Variants in DDX56 observed in about 807,000 individuals in gnomAD.
DDX56 encodes DEAD-box helicase 56.
In DDX56, 45 loss-of-function variants were observed where a neutral mutation model predicts 61.5. That is an observed-to-expected ratio of 0.73 (90% CI 0.58 to 0.94). DDX56 has a LOEUF of 0.94. DDX56 is among the 40% of genes least tolerant of loss of function. The pLI, the probability that DDX56 is intolerant of heterozygous loss-of-function variation, is 0.00. For synonymous variants in DDX56, 273 were observed against 268.3 expected, an observed-to-expected ratio of 1.02 and a Z score of -0.17; for missense variants, 708 against 690.7, an observed-to-expected ratio of 1.02 and a Z score of -0.28.
rs777680531 is a variant in DDX56, at chr7:44,568,180, T to A, written c.1427A>T (p.His476Leu). The change falls in exon 12 of 14, where the codon CAT becomes CTT. Residue 476 changes from histidine to leucine, a missense_variant. His to Leu is a moderately conservative substitution (Grantham distance 99, BLOSUM62 -3). Transcript: ENST00000258772. ...CACTGCGGGGTGCAAAGGTAGGTCA[T>A]GCCGCAGCAGCTGGAGGTCCCTAGG... ...DNPRDLQLLR[H>L]DLPLHPAVVK... is the part of the protein sequence containing the mutation. 6.2e-7 allele frequency: 1 copy of A among 1,614,066 alleles called. No individual in the cohort carries two copies.
At position 44,565,844 on chromosome 7, in the gene DDX56, A is replaced by G. The variant is rs1014012421; in HGVS notation, c.*158T>C. ...TTTTATTCTGTTGTCAAGGGGCAAG[A>G]TGCCAGCTTGGAAGTGCCAAGGAGC... On this transcript the variant is annotated 3_prime_UTR_variant, in exon 14 of 14. Transcript: ENST00000258772. The G allele has an allele frequency of 1.4e-5, 9 of 650,404 alleles. No individual in the cohort carries two copies. Among genetic ancestry groups the G allele is most frequent in the African/African-American group, 5.5e-5 (3 of 54,462 alleles). The allele number at this position is 650,404 out of a possible 1,614,324, so 40.3% of individuals were successfully genotyped here. A position where few individuals can be genotyped will look rare whatever the true frequency, so the allele number is the denominator to read the frequency against.
chr7:44,573,005 G>A lies in DDX56; in HGVS notation c.268C>T (p.Pro90Ser), dbSNP rs1430729489. 3.1e-6 allele frequency: 5 copies of A among 1,610,478 alleles called. No homozygotes were observed. In the Middle Eastern group the frequency reaches 4.9e-4, roughly 159 times the overall value. The change falls in exon 3 of 14, where the codon CCT (proline) becomes TCT (serine). Residue 90 changes from proline to serine, a missense_variant. Transcript: ENST00000258772. ...GCTTGCCGTGCCAGCTCCTTGGTAG[G>A]AACAAGAACAAGGCCTCTCACTGCC... ...EQAVRGLVLV[P>S]TKELARQAQS...
At position 44,565,908 on chromosome 7, in the gene DDX56, C is replaced by G. The variant is rs986601819; in HGVS notation, c.*94G>C. 8 of 981,902 alleles carry G rather than the reference C, an allele frequency of 8.1e-6. No homozygotes were observed. The South Asian group carries it at 1.1e-4, about 13-fold the overall frequency. The allele number at this position is 981,902 out of a possible 1,614,324, so 60.8% of individuals were successfully genotyped here. A position where few individuals can be genotyped will look rare whatever the true frequency, so the allele number is the denominator to read the frequency against. ...ACTGCCGGCCCCAGAACTGTCTGTT[C>G]AGGCTGTGCAGTAAGCACCAGAGCC... On this transcript the variant is annotated 3_prime_UTR_variant, in exon 14 of 14. Coordinates refer to ENST00000258772, the MANE Select transcript of DDX56 (RefSeq NM_019082.4).
chr7:44,572,497 C>G (rs1802702458), intron 4 of DDX56, 60 bp from the exon 5 acceptor site: 1 of 1,613,206 alleles, frequency 6.2e-7, no homozygotes. Flanking sequence ...TAGTAACTGG[C>G]TTCCAGCCAC....
chr7:44,567,488 C>T (rs1350569745), intron 12 of DDX56, among the ~76,000 whole-genome samples: 1 of 152,186 alleles, frequency 6.6e-6, no homozygotes, highest in Non-Finnish European at 1.5e-5. Flanking sequence ...GAAGTCATTA[C>T]CCAGAGCCTG....
chr7:44,568,329 G>T, intron 11 of DDX56, 106 bp from the exon 12 acceptor site: 1 of 778,770 alleles, frequency 1.3e-6, no homozygotes, highest in Non-Finnish European at 2.0e-6. Flanking sequence ...AAAGGCATGA[G>T]GCAGCTGCTT....
At position 44,566,095 on chromosome 7, in the gene DDX56, C is replaced by A; in HGVS notation, c.1567-16G>T. 2 of 1,580,760 alleles carry A rather than the reference C, an allele frequency of 1.3e-6. No individual in the cohort carries two copies. Among genetic ancestry groups the A allele is most frequent in the South Asian group, 2.3e-5 (2 of 88,030 alleles). ...ACTTTGCTCTCTAAGGAGGCAAAGT[C>A]ACAGGTTAGTTGGGGGAATCAGGCC... is the stretch of plus-strand genomic sequence containing the variant. On this transcript the variant is annotated splice_polypyrimidine_tract_variant and intron_variant, in intron 13 of 13. Coordinates refer to ENST00000258772, the MANE Select transcript of DDX56 (RefSeq NM_019082.4).
rs748979517 is a variant in DDX56 at position 44,569,790 on chromosome 7, A to G, written c.1219+19T>C. 1 of 1,590,718 alleles carries G rather than the reference A, an allele frequency of 6.3e-7. No individual in the cohort carries two copies. The highest frequency in any genetic ancestry group is 1.1e-5 in the South Asian group (1 of 88,996). Reference sequence around the variant, plus strand: ...AGAAGCCTGACCCTGGCCCAGGACCACAAGAGCCAGGCTCTTACCTCCACT... The same window carrying G: ...AGAAGCCTGACCCTGGCCCAGGACCGCAAGAGCCAGGCTCTTACCTCCACT... On this transcript the variant is annotated intron_variant, in intron 9 of 13. Transcript: ENST00000258772.
In DDX56 at chr7:44,569,922, C is replaced by A. The variant is rs893646940; in HGVS notation, c.1125-19G>T. 6.2e-7 allele frequency: 1 copy of A among 1,611,028 alleles called. No homozygotes were observed. ...TGCTGTCCTGCAAGGGAAGACAGTG[C>A]AGCTTGCATCTCCAACCCGCAGGCT... On this transcript the variant is annotated intron_variant, in intron 8 of 13. Transcript: ENST00000258772.
At chr7:44,569,357 T>C (rs1414992271) in intron 9 of DDX56, among the ~76,000 whole-genome samples, 154 bp from the exon 10 acceptor site, 1 of 152,206 alleles carries the variant, frequency 6.6e-6, no homozygotes, top group African/African-American at 2.4e-5. Flanking sequence ...CACCTGGGCC[T>C]CTTACAGTGA....
Position 44,566,185 on chromosome 7 carries a change from T to C in DDX56, c.1567-106A>G, listed in dbSNP as rs931722012. ...ACACAAAGGGAGCCGTGCCGGCAACTGGCCAACACGACCAGAAGGTGCTGC... is the reference window on the plus strand; with the variant it reads ...ACACAAAGGGAGCCGTGCCGGCAACCGGCCAACACGACCAGAAGGTGCTGC... On this transcript the variant is annotated intron_variant, in intron 13 of 13. Coordinates refer to ENST00000258772, the MANE Select transcript of DDX56 (RefSeq NM_019082.4). 6.4e-6 allele frequency: 4 copies of C among 623,088 alleles called. No individual in the cohort carries two copies. In the East Asian group the frequency reaches 1.4e-4, roughly 22 times the overall value. 38.6% of individuals were successfully genotyped at this position (623,088 alleles called of 1,614,324 possible). A position where few individuals can be genotyped will look rare whatever the true frequency, so the allele number is the denominator to read the frequency against.
Position 44,569,211 on chromosome 7 carries a change from G to A in DDX56, c.1220-8C>T, listed in dbSNP as rs1802613096. ...GAATGGGGCCCCTGTTCTCTGTGGA[G>A]AAGAAAGCAGCGAGGGTCCCACAGG... is the stretch of plus-strand genomic sequence containing the variant. On this transcript the variant is annotated splice_polypyrimidine_tract_variant and splice_region_variant and intron_variant, in intron 9 of 13. Coordinates refer to ENST00000258772, the MANE Select transcript of DDX56 (RefSeq NM_019082.4). 3.1e-6 allele frequency: 5 copies of A among 1,613,286 alleles called. No individual in the cohort carries two copies. Among genetic ancestry groups the A allele is most frequent in the South Asian group, 1.1e-5 (1 of 91,060 alleles).
At position 44,570,837 on chromosome 7, in the gene DDX56, A is replaced by C; in HGVS notation, c.931T>G (p.Cys311Gly). 6.2e-7 allele frequency: 1 copy of C among 1,613,946 alleles called. No homozygotes were observed. Among genetic ancestry groups the C allele is most frequent in the Non-Finnish European group, 8.5e-7 (1 of 1,179,828 alleles). The change falls in exon 7 of 14, where the codon TGT becomes GGT. Residue 311 changes from cysteine to glycine, a missense_variant. Physicochemically the swap from Cys to Gly is radical, Grantham distance 159. Coordinates refer to ENST00000258772, the MANE Select transcript of DDX56 (RefSeq NM_019082.4). The part of the protein sequence containing the change: ...ISQFNQGFYD[C>G]VIATDAEVLG... ...ACTTCAGCATCAGTTGCTATGACAC[A>C]GTCGTAGAAGCCTTGGTTGAACTGT... is the stretch of plus-strand genomic sequence containing the variant.
Position 44,572,713 on chromosome 7 carries a change from C to G in DDX56, c.415G>C (p.Val139Leu). Reference sequence around the variant, plus strand: ...CTTAATATGCGAGATGGGGTCCCTACTACCACATCTGGCTTCTCCATCAGC... The same window carrying G: ...CTTAATATGCGAGATGGGGTCCCTAGTACCACATCTGGCTTCTCCATCAGC... ...AVLMEKPDVV[V>L]GTPSRILSHL... The change falls in exon 4 of 14, where the codon GTA (valine) becomes CTA (leucine). Residue 139 changes from valine (V) to leucine (L), a missense_variant. Transcript: ENST00000258772. 6.2e-7 allele frequency: 1 copy of G among 1,614,230 alleles called. No individual in the cohort carries two copies. Among genetic ancestry groups the G allele is most frequent in the Non-Finnish European group, 8.5e-7 (1 of 1,180,032 alleles).
In DDX56 at chr7:44,571,713, G is replaced by A. The variant is rs1802677543; in HGVS notation, c.669C>T (p.Ser223=). The A allele has an allele frequency of 6.2e-7, 1 of 1,613,870 alleles. No homozygotes were observed. Among genetic ancestry groups the A allele is most frequent in the Non-Finnish European group, 8.5e-7 (1 of 1,180,036 alleles). Residue 223 remains serine, a synonymous_variant, in exon 6 of 14, where the codon TCC becomes TCT. Coordinates refer to ENST00000258772, the MANE Select transcript of DDX56 (RefSeq NM_019082.4). The stretch of plus-strand genomic sequence containing the variant: ...GTAACTGGTCTGGCCCAGGCAGCTG[G>A]GACTCCTGTAACTTAAGGGTAACCT... The part of the protein sequence containing the change: ...HNPVTLKLQE[S]QLPGPDQLQQ...
In DDX56 at chr7:44,566,481, C is replaced by G. The variant is rs1802539155; in HGVS notation, c.1533G>C (p.Arg511=). The G allele has an allele frequency of 1.3e-6, 2 of 1,565,456 alleles. No homozygotes were observed. Among genetic ancestry groups the G allele is most frequent in the Non-Finnish European group, 1.7e-6 (2 of 1,154,370 alleles). Residue 511 remains arginine (R), a synonymous_variant, in exon 13 of 14, where the codon CGG becomes CGC. Transcript: ENST00000258772. ...LRGLVRPHKK[R]KKLSSSCRKA... Reference sequence around the variant, plus strand: ...TCCTACAAGAGGAAGACAGCTTCTTCCGCTTCTTGTGAGGGCGCACCAGGC... The same window carrying G: ...TCCTACAAGAGGAAGACAGCTTCTTGCGCTTCTTGTGAGGGCGCACCAGGC...
intron 7 of DDX56, 87 bp downstream of exon 7, chr7:44,570,671 T>C: frequency 6.6e-7 from 1 of 1,509,548 alleles, no homozygotes; most frequent in Non-Finnish European, 8.9e-7. Flanking sequence ...TTTGGCTCCC[T>C]GCTCTGTGCA....
At position 44,566,510 on chromosome 7, in the gene DDX56, GGA is replaced by G; in HGVS notation, c.1502_1503del (p.Leu501ProfsTer18). On this transcript the variant is annotated frameshift_variant, in exon 13 of 14. Transcript: ENST00000258772. LOFTEE classifies it high-confidence loss of function. ...HVPDYLVPPA[L>X]RGLVRPHKKR... ...TTCTTGTGAGGGCGCACCAGGCCACGGAGAGCAGGAGGAACTGGAAGAGATGC... is the reference window on the plus strand; with the variant it reads ...TTCTTGTGAGGGCGCACCAGGCCACGGAGCAGGAGGAACTGGAAGAGATGC... The G allele has an allele frequency of 6.4e-7, 1 of 1,562,360 alleles. No homozygotes were observed. Among genetic ancestry groups the G allele is most frequent in the Non-Finnish European group, 8.7e-7 (1 of 1,151,564 alleles).
chr7:44,571,005 A>C (rs1034345429), intron 6 of DDX56, 128 bp from the exon 7 acceptor site: 1 of 1,193,358 alleles, frequency 8.4e-7, no homozygotes. Context: ...CTACTTAATC[A>C]TTGTGCCTCA....
Sources: gnomAD v4.1 joint callset for allele counts (sites outside exome capture counted in the v4.1 genomes callset) on GRCh38, gnomAD v4.1.1 for gene constraint, MANE v1.5 for transcripts, NCBI Gene and HGNC (gene_info 2026-07-23, HGNC 2026-07-21) for gene names.